MTUS1: variants seen among roughly 807,000 people sequenced by gnomAD.
MTUS1 encodes microtubule associated scaffold protein 1.
Under a neutral mutation model 120.8 loss-of-function variants are expected in MTUS1, and 109 were observed. That is an observed-to-expected ratio of 0.90 (90% confidence interval 0.77 to 1.06). The LOEUF (loss-of-function observed/expected upper bound fraction) is 1.06. Ranked by LOEUF, MTUS1 falls within the 50% of genes least tolerant of loss-of-function variation. The pLI is 0.00. For missense variants in MTUS1, 2,210 were observed against 1,486.3 expected (o/e 1.49, Z -8.01); for synonymous variants, 737 against 550.5 (o/e 1.34, Z -4.74).
chr8:17,790,771 G>C (rs186046318), intron 1 of MTUS1, among the ~76,000 whole-genome samples: 1 of 152,312 alleles, frequency 6.6e-6, no homozygotes, highest in East Asian at 1.9e-4. Context: ...TGGATCACTT[G>C]AGGTCAAGAG....
intron 5 of MTUS1, among the ~76,000 whole-genome samples, chr8:17,714,341 G>C (rs990927251): frequency 6.6e-6 from 1 of 152,144 alleles, no homozygotes; most frequent in Non-Finnish European, 1.5e-5. Context: ...GAGAGAGAGA[G>C]ACATGTTAAG....
intron 6 of MTUS1, chr8:17,697,539 A>G: frequency 7.1e-7 from 1 of 1,403,784 alleles, no homozygotes; most frequent in South Asian, 1.8e-5. Flanking sequence ...AGAAGAAAAA[A>G]ATCCCCCAGG....
chr8:17,653,441 T>A lies in MTUS1; in HGVS notation c.3272A>T (p.Lys1091Met). The A allele has an allele frequency of 2.5e-6, 4 of 1,611,600 alleles. No homozygotes were observed. The South Asian group carries it at 4.4e-5, about 18-fold the overall frequency. The change falls in exon 11 of 15, where the codon AAG becomes ATG. Residue 1091 changes from lysine (K) to methionine (M), a missense_variant. Lys to Met is a moderately conservative substitution (Grantham distance 95). Coordinates refer to ENST00000693296, the MANE Select transcript of MTUS1 (RefSeq NM_001363059.2). ...TTCACCCACCTCTAGCGATTCCTGC[T>A]TCTCAGAAAGTAAATCTTCAAGCGA... ...KKSLEDLLSE[K>M]QESLEKQIND...
At chr8:17,722,464 G>A (rs898200702) in intron 4 of MTUS1, 5 of 985,164 alleles carry the variant, frequency 5.1e-6, no homozygotes, top group Admixed American at 6.2e-5. Context: ...GCCTGATTTT[G>A]TGCCACACCT....
chr8:17,672,199 A>G (rs941054157), intron 8 of MTUS1, among the ~76,000 whole-genome samples: 21 of 152,188 alleles, frequency 1.4e-4, no homozygotes, highest in African/African-American at 4.6e-4. Flanking sequence ...TGCCCTCACA[A>G]AACAGCCAGT....
chr8:17,798,708 T>C (rs529285822), intron 1 of MTUS1, among the ~76,000 whole-genome samples: 1 of 152,366 alleles, frequency 6.6e-6, no homozygotes, highest in South Asian at 2.1e-4. Flanking sequence ...AAAAATTCTG[T>C]TTTGAGAAAG....
At chr8:17,740,066 G>T (rs545053650) in intron 3 of MTUS1, among the ~76,000 whole-genome samples, 4 of 152,090 alleles carry the variant, frequency 2.6e-5, no homozygotes, top group African/African-American at 9.7e-5. Flanking sequence ...AATTAGTTGG[G>T]CGTGGTGGTG....
intron 1 of MTUS1, among the ~76,000 whole-genome samples, chr8:17,794,001 T>C (rs547717125): frequency 2.0e-5 from 3 of 152,176 alleles, no homozygotes; most frequent in South Asian, 4.2e-4. Flanking sequence ...GTTTGGCCCA[T>C]AGAAAGTGCT....
rs1374956908 is a variant in MTUS1, at chr8:17,645,409, T to TTTGA, written c.*513_*516dup. 2 of 152,986 alleles carry TTTGA rather than the reference T, an allele frequency of 1.3e-5. No individual in the cohort carries two copies. Among genetic ancestry groups the TTTGA allele is most frequent in the Non-Finnish European group, 2.9e-5 (2 of 68,360 alleles). The allele number at this position is 152,986 out of a possible 1,614,324, so 9.5% of individuals were successfully genotyped here. On this transcript the variant is annotated 3_prime_UTR_variant, in exon 15 of 15. Coordinates refer to ENST00000693296, the MANE Select transcript of MTUS1 (RefSeq NM_001363059.2). ...GTATATGCTGATTGATTGATTATTA[T>TTTGA]TTGATTAGTACATATCCAGATATAT...
At chr8:17,697,217 C>A (rs770310784) in intron 6 of MTUS1, 1 of 1,550,162 alleles carries the variant, frequency 6.5e-7, no homozygotes, top group Non-Finnish European at 8.8e-7. Flanking sequence ...ATGAAGACAT[C>A]CCCCGTGCAA....
chr8:17,644,056 G>C lies in MTUS1; in HGVS notation c.*1870C>G, dbSNP rs10481. On this transcript the variant is annotated 3_prime_UTR_variant, in exon 15 of 15. Coordinates refer to ENST00000693296, the MANE Select transcript of MTUS1 (RefSeq NM_001363059.2). ...GATTTATTTGCCGGTCACGTAATAC[G>C]GAGGACAGCAGGGAACAACACAAGA... 6.6e-6 allele frequency: 1 copy of C among 152,082 alleles called. No individual in the cohort carries two copies. The highest frequency in any genetic ancestry group is 2.4e-5 in the African/African-American group (1 of 41,394). 9.4% of individuals were successfully genotyped at this position (152,082 alleles called of 1,614,324 possible).
intron 3 of MTUS1, among the ~76,000 whole-genome samples, chr8:17,729,103 A>G (rs2046397523): frequency 6.6e-6 from 1 of 152,202 alleles, no homozygotes; most frequent in South Asian, 2.1e-4. Context: ...AATTCAGAGA[A>G]TATGTCTGTA....
chr8:17,738,448 G>C (rs1047284291), intron 3 of MTUS1, among the ~76,000 whole-genome samples: 1 of 152,320 alleles, frequency 6.6e-6, no homozygotes, highest in East Asian at 1.9e-4. Flanking sequence ...CCTGGGAAAA[G>C]CTGGTATTGC....
chr8:17,800,274 T>G (rs1260463996), intron 1 of MTUS1, among the ~76,000 whole-genome samples: 4 of 152,150 alleles, frequency 2.6e-5, no homozygotes, highest in Non-Finnish European at 5.9e-5. Context: ...TAGTGATGAT[T>G]GACTTTCGAT....
chr8:17,697,354 G>A (rs774267428), intron 6 of MTUS1: 4 of 1,614,144 alleles, frequency 2.5e-6, no homozygotes, highest in Non-Finnish European at 1.7e-6. Context: ...TGGTGGATAA[G>A]GAGAATTTGG....
chr8:17,678,792 G>C (rs562487871), intron 7 of MTUS1, among the ~76,000 whole-genome samples: 3 of 151,156 alleles, frequency 2.0e-5, no homozygotes, highest in South Asian at 2.1e-4. Context: ...AAGAATTAGA[G>C]GTTTGGGGAG....
Position 17,646,258 on chromosome 8 carries a change from C to G in MTUS1, c.3600-119G>C, listed in dbSNP as rs1218957989. Reference sequence around the variant, plus strand: ...TTATTCCTTTGGGATAAAACAGAATCCTGCACAAGGTCACAGGTATTTGGC... The same window carrying G: ...TTATTCCTTTGGGATAAAACAGAATGCTGCACAAGGTCACAGGTATTTGGC... On this transcript the variant is annotated intron_variant, in intron 14 of 14. Transcript: ENST00000693296. 68 of 1,114,766 alleles carry G rather than the reference C, an allele frequency of 6.1e-5. No individual in the cohort carries two copies. The East Asian group carries it at 9.4e-4, about 15-fold the overall frequency. 69.1% of individuals were successfully genotyped at this position (1,114,766 alleles called of 1,614,324 possible). A position where few individuals can be genotyped will look rare whatever the true frequency, so the allele number is the denominator to read the frequency against.
chr8:17,767,099 CAA>C lies in MTUS1; in HGVS notation c.-154-11140_-154-11139del, dbSNP rs1248854846. On this transcript the variant is annotated intron_variant, in intron 1 of 14. Transcript: ENST00000693296. ...AATGGAAATCACTCCAGAATAATGA[CAA>C]ATGGTTTTTAAAACTCTATGCTGAA... Among the ~76,000 whole-genome samples the C allele has an allele frequency of 2.8e-5, 4 of 141,734 alleles. No individual in the cohort carries two copies. The East Asian group carries it at 6.5e-4, about 23-fold the overall frequency. The allele number at this position is 141,734 out of a possible 152,430, so 93.0% of individuals were successfully genotyped here.
At chr8:17,664,044 A>G (rs948328080) in intron 8 of MTUS1, 2 of 152,224 alleles carry the variant, frequency 1.3e-5, no homozygotes, top group Non-Finnish European at 2.9e-5. Flanking sequence ...GCAAGAGTCC[A>G]TTGATTCCAG....
Sources: gnomAD v4.1 joint callset for allele counts (sites outside exome capture counted in the v4.1 genomes callset) on GRCh38, gnomAD v4.1.1 for gene constraint, MANE v1.5 for transcripts, NCBI Gene and HGNC (gene_info 2026-07-23, HGNC 2026-07-21) for gene names.